The following SEC24A variants were observed in gnomAD, a reference collection of about 807,000 sequenced individuals.
SEC24A encodes protein transport protein Sec24A.
SEC24A carries 93 observed loss-of-function variants against 129.4 expected under a neutral mutation model. The observed-to-expected ratio is 0.72, with a 90% CI of 0.61 to 0.85. The LOEUF (loss-of-function observed/expected upper bound fraction) is 0.85. Among genes scored for constraint, SEC24A ranks in the 40% least tolerant of loss-of-function variants. The pLI is 0.00. For missense variants in SEC24A, 1,264 were observed against 1,307.4 expected (o/e 0.97, Z 0.51); for synonymous variants, 460 against 467.3 (o/e 0.98, Z 0.20).
intron 20 of SEC24A, among the ~76,000 whole-genome samples, chr5:134,718,548 C>T (rs1404921356): frequency 6.6e-6 from 1 of 152,044 alleles, no homozygotes; most frequent in Admixed American, 6.6e-5. Flanking sequence ...CCCTGGAGAC[C>T]TTCTAATGAG....
intron 8 of SEC24A, 142 bp downstream of exon 8, chr5:134,679,870 CT>C: frequency 7.1e-6 from 3 of 422,494 alleles, no homozygotes; most frequent in East Asian, 4.3e-5. Context: ...CTACAGGTAA[CT>C]TTTTTCTGTG....
intron 1 of SEC24A, among the ~76,000 whole-genome samples, chr5:134,649,802 A>G (rs1384475706): frequency 2.6e-5 from 4 of 152,220 alleles, no homozygotes; most frequent in Non-Finnish European, 5.9e-5. Context: ...ATCTCTGACA[A>G]GAGTCTACAT....
intron 2 of SEC24A, among the ~76,000 whole-genome samples, chr5:134,665,836 T>C (rs1048941593): frequency 2.3e-4 from 35 of 152,158 alleles, no homozygotes; most frequent in Non-Finnish European, 7.3e-5. Flanking sequence ...TCAGGCTCAC[T>C]CTAAACTTAG....
chr5:134,671,939 T>A, intron 4 of SEC24A, 53 bp downstream of exon 4: 1 of 1,044,040 alleles, frequency 9.6e-7, no homozygotes, highest in Non-Finnish European at 1.5e-6. Flanking sequence ...ATTATAGAAA[T>A]AATATGTGGT....
rs1212854838 is a variant in SEC24A, at chr5:134,705,177, G to A, written c.2441-150G>A. ...GCTGCACTTAAACTCCTGAGCTCAA[G>A]GGATCCTCCTGTCTCTGCCTCTGGA... On this transcript the variant is annotated intron_variant, in intron 16 of 22. Transcript: ENST00000398844. 7 of 440,074 alleles carry A rather than the reference G, an allele frequency of 1.6e-5. No homozygotes were observed. The East Asian group carries it at 2.5e-4, about 16-fold the overall frequency. 27.3% of individuals were successfully genotyped at this position (440,074 alleles called of 1,614,324 possible).
intron 21 of SEC24A, among the ~76,000 whole-genome samples, chr5:134,722,216 C>T (rs1317213866): frequency 1.3e-5 from 2 of 152,004 alleles, no homozygotes; most frequent in Non-Finnish European, 2.9e-5. Context: ...GTTGCCCGGG[C>T]GTGGTGGCTC....
Position 134,682,628 on chromosome 5 carries a change from G to A in SEC24A, c.1491+146G>A, listed in dbSNP as rs1751315377. 9.6e-6 allele frequency: 5 copies of A among 522,292 alleles called. No individual in the cohort carries two copies. In the Admixed American group the frequency reaches 1.0e-4, roughly 11 times the overall value. The allele number at this position is 522,292 out of a possible 1,614,324, so 32.4% of individuals were successfully genotyped here. Reference sequence around the variant, plus strand: ...ATTGCCCATGCTGGAGTGCAGTGGTGCAGTGGCAGGTTCAAGGCTCACTGC... The same window carrying A: ...ATTGCCCATGCTGGAGTGCAGTGGTACAGTGGCAGGTTCAAGGCTCACTGC... On this transcript the variant is annotated intron_variant, in intron 9 of 22. Transcript: ENST00000398844.
intron 2 of SEC24A, among the ~76,000 whole-genome samples, chr5:134,661,922 A>G (rs1580683609): frequency 6.7e-6 from 1 of 148,410 alleles, no homozygotes; most frequent in South Asian, 2.1e-4. Context: ...CCCTGGTTCA[A>G]GCAATTTTCC....
intron 2 of SEC24A, among the ~76,000 whole-genome samples, chr5:134,664,105 A>G (rs1409680947): frequency 6.6e-6 from 1 of 151,656 alleles, no homozygotes; most frequent in Non-Finnish European, 1.5e-5. Context: ...GCAAGACTCC[A>G]TCTCAAAAAA....
chr5:134,657,613 G>T (rs1246136572), intron 1 of SEC24A, among the ~76,000 whole-genome samples: 1 of 152,042 alleles, frequency 6.6e-6, no homozygotes, highest in Non-Finnish European at 1.5e-5. Flanking sequence ...TTCTCACTCT[G>T]TTGCCCAGGC....
At chr5:134,705,971 T>C (rs1345277707) in intron 17 of SEC24A, among the ~76,000 whole-genome samples, 1 of 150,124 alleles carries the variant, frequency 6.7e-6, no homozygotes, top group Non-Finnish European at 1.5e-5. Context: ...TACCACAACC[T>C]CTATCTCCTG....
chr5:134,715,505 T>TA lies in SEC24A; in HGVS notation c.2865+345dup, dbSNP rs201380457. 1,606 of 202,978 alleles carry TA rather than the reference T, an allele frequency of 7.9e-3. 33 individuals are homozygous for TA. Among genetic ancestry groups the TA allele is most frequent in the African/African-American group, 0.036 (1,531 of 42,118 alleles). The allele number at this position is 202,978 out of a possible 1,614,324, so 12.6% of individuals were successfully genotyped here. On this transcript the variant is annotated intron_variant, in intron 19 of 22. Transcript: ENST00000398844. ...TTTTTGCTCGCTTCAGCAGCAAATA[T>TA]ACTAAAATTGGAATGATACAGAGAA...
chr5:134,652,868 C>T (rs1360196929), intron 1 of SEC24A, among the ~76,000 whole-genome samples: 2 of 152,116 alleles, frequency 1.3e-5, no homozygotes, highest in African/African-American at 4.8e-5. Flanking sequence ...GATCTTGGCT[C>T]GCTGCAAGCT....
rs1752732560 is a variant in SEC24A at position 134,725,271 on chromosome 5, G to A, written c.*177G>A. 4.0e-6 allele frequency: 2 copies of A among 501,198 alleles called. No homozygotes were observed. Among genetic ancestry groups the A allele is most frequent in the Admixed American group, 8.0e-5 (2 of 24,954 alleles). 31.0% of individuals were successfully genotyped at this position (501,198 alleles called of 1,614,324 possible). A position where few individuals can be genotyped will look rare whatever the true frequency, so the allele number is the denominator to read the frequency against. On this transcript the variant is annotated 3_prime_UTR_variant, in exon 23 of 23. Transcript: ENST00000398844. ...AAGACCACAGCAGAGAATCAAACAT[G>A]CAACTCTGAAATACTGTATTTTTCA...
intron 15 of SEC24A, among the ~76,000 whole-genome samples, chr5:134,702,761 G>A (rs7723532): frequency 0.013 from 1,969 of 149,508 alleles, 36 homozygotes; most frequent in African/African-American, 0.047. Context: ...TTGTTTGTTT[G>A]TTGTTGTTGT....
At chr5:134,666,655 C>T (rs1750671116) in intron 2 of SEC24A, among the ~76,000 whole-genome samples, 168 bp from the exon 3 acceptor site, 1 of 151,966 alleles carries the variant, frequency 6.6e-6, no homozygotes. Flanking sequence ...GTAAAATATG[C>T]ATGTAGATTG....
intron 20 of SEC24A, among the ~76,000 whole-genome samples, chr5:134,720,797 G>T (rs1752606905): frequency 1.3e-5 from 2 of 152,090 alleles, no homozygotes; most frequent in African/African-American, 4.8e-5. Context: ...CAGCTACTCT[G>T]GAGGCTGAGG....
At chr5:134,700,782 G>C (rs1751982807) in intron 15 of SEC24A, among the ~76,000 whole-genome samples, 1 of 150,400 alleles carries the variant, frequency 6.6e-6, no homozygotes, top group Non-Finnish European at 1.5e-5. Context: ...TCAGTGGCAC[G>C]ATCTCCGCTC....
At chr5:134,657,119 A>G (rs1043703034) in intron 1 of SEC24A, among the ~76,000 whole-genome samples, 1 of 151,580 alleles carries the variant, frequency 6.6e-6, no homozygotes, top group Non-Finnish European at 1.5e-5. Flanking sequence ...TGGGAGGTCG[A>G]GGCTGCGGTG....
Sources: gnomAD v4.1 joint callset for allele counts (sites outside exome capture counted in the v4.1 genomes callset) on GRCh38, gnomAD v4.1.1 for gene constraint, MANE v1.5 for transcripts, NCBI Gene and HGNC (gene_info 2026-07-23, HGNC 2026-07-21) for gene names.